The following TRMT11 variants were observed in gnomAD, a reference collection of about 807,000 sequenced individuals.
The protein encoded by TRMT11 is tRNA (guanine(10)-N(2))-methyltransferase TRMT11.
Under a neutral mutation model 62.8 loss-of-function variants are expected in TRMT11, and 53 were observed. That is an observed-to-expected ratio of 0.84 (90% CI 0.68 to 1.06). TRMT11 has a LOEUF of 1.06. Ranked by LOEUF, TRMT11 falls within the 50% of genes least tolerant of loss-of-function variation. TRMT11 has a pLI of 0.00. For synonymous variants in TRMT11, 188 were observed against 190.3 expected (o/e 0.99, Z 0.10); for missense variants, 556 against 553.4 (o/e 1.00, Z -0.05).
At chr6:125,996,844 ATTG>A (rs1791600547) in intron 3 of TRMT11, among the ~76,000 whole-genome samples, 1 of 152,178 alleles carries the variant, frequency 6.6e-6, no homozygotes, top group African/African-American at 2.4e-5. Context: ...ATCATATGTA[ATTG>A]TTGTATTACG....
chr6:126,081,924 A>G (rs1777163187), intron 17 of TRMT11, among the ~76,000 whole-genome samples: 1 of 152,178 alleles, frequency 6.6e-6, no homozygotes. Context: ...TTTTGGAACT[A>G]ATCTGTGCTC....
In TRMT11 at chr6:126,196,024, G is replaced by A. The variant is rs116356741; in HGVS notation, n.144-2775G>A. Among the ~76,000 whole-genome samples the A allele has an allele frequency of 3.2e-3, 489 of 152,274 alleles. 1 individual carries two copies. The highest frequency in any genetic ancestry group is 9.7e-3 in the African/African-American group (404 of 41,558). ...GCTACAAGTAACTTGAATCCTTGAT[G>A]ACATCATTAGGTTGCTGAATTAACC... On this transcript the variant is annotated intron_variant and non_coding_transcript_variant, in intron 1 of 3. Coordinates refer to the TRMT11 transcript ENST00000444229.
chr6:126,035,935 G>A (rs905063974), intron 12 of TRMT11, among the ~76,000 whole-genome samples: 1 of 152,016 alleles, frequency 6.6e-6, no homozygotes, highest in Non-Finnish European at 1.5e-5. Flanking sequence ...TGTGCTTTGG[G>A]CTTTGTCTTC....
intron 12 of TRMT11, among the ~76,000 whole-genome samples, chr6:126,036,830 GA>G (rs1330496350): frequency 1.3e-5 from 2 of 152,036 alleles, no homozygotes; most frequent in Admixed American, 1.3e-4. Flanking sequence ...TTAAATGGTG[GA>G]ACATTGTTCT....
At chr6:126,098,523 C>T (rs1163311472) in intron 17 of TRMT11, among the ~76,000 whole-genome samples, 1 of 152,088 alleles carries the variant, frequency 6.6e-6, no homozygotes, top group African/African-American at 2.4e-5. Context: ...CAAATCACTC[C>T]CTATAGACCA....
At chr6:126,012,897 CATGT>C (rs751689240) in intron 10 of TRMT11, 45 bp downstream of exon 10, 5 of 1,606,586 alleles carry the variant, frequency 3.1e-6, no homozygotes, top group Non-Finnish European at 4.3e-6. Flanking sequence ...TGAGAAGAGG[CATGT>C]GGCTTCCCCG....
At chr6:126,042,021 G>A (rs188361385), downstream of TRMT11, among the ~76,000 whole-genome samples, 3 of 152,230 alleles carry the variant, frequency 2.0e-5, no homozygotes, top group African/African-American at 7.2e-5. Context: ...ACAAAAAAAA[G>A]TGCCTTAATC....
intron 21 of TRMT11, among the ~76,000 whole-genome samples, chr6:126,123,345 T>C (rs766715186): frequency 1.3e-5 from 2 of 152,024 alleles, no homozygotes; most frequent in Admixed American, 6.6e-5. Flanking sequence ...TGCCTTATAG[T>C]GGTTTGGATT....
intron 21 of TRMT11, among the ~76,000 whole-genome samples, chr6:126,118,602 T>C (rs1451992827): frequency 2.0e-5 from 3 of 152,114 alleles, no homozygotes; most frequent in Admixed American, 6.6e-5. Context: ...TTTACTTTTT[T>C]TCTTCCTATT....
chr6:126,054,903 A>G (rs888453123), intron 17 of TRMT11, among the ~76,000 whole-genome samples: 1 of 152,202 alleles, frequency 6.6e-6, no homozygotes, highest in Non-Finnish European at 1.5e-5. Flanking sequence ...TCTCTTTCGC[A>G]TCTTTCCTTG....
chr6:126,211,718 G>A, the TRMT11 span, among the ~76,000 whole-genome samples: 2 of 151,984 alleles, frequency 1.3e-5, no homozygotes, highest in South Asian at 4.1e-4. Flanking sequence ...CATATAATAT[G>A]TAATAATCAC....
intron 2 of TRMT11, among the ~76,000 whole-genome samples, chr6:125,994,236 G>A (rs1179184639): frequency 6.6e-6 from 1 of 152,032 alleles, no homozygotes; most frequent in Non-Finnish European, 1.5e-5. Context: ...GTGTTTGACA[G>A]AAGTTTGGAA....
Position 126,193,410 on chromosome 6 carries a change from A to G in TRMT11, n.144-5389A>G, listed in dbSNP as rs143143428. On this transcript the variant is annotated intron_variant and non_coding_transcript_variant, in intron 1 of 3. Coordinates refer to the TRMT11 transcript ENST00000444229. ...TGATCTCTAATATTTCTTTCCTTCT[A>G]CTAACCATTATTTGCTTTATTCTTG... 3.0e-3 allele frequency among the ~76,000 whole-genome samples: 440 copies of G among 148,554 alleles called. 2 individuals carry two copies. Among genetic ancestry groups the G allele is most frequent in the African/African-American group, 0.011 (425 of 40,156 alleles).
intron 21 of TRMT11, among the ~76,000 whole-genome samples, chr6:126,152,623 C>T (rs1454769186): frequency 2.0e-5 from 3 of 152,152 alleles, no homozygotes; most frequent in Non-Finnish European, 4.4e-5. Flanking sequence ...TAACTGTTTT[C>T]CCAAGGTTGA....
chr6:126,249,105 A>T, the TRMT11 span, among the ~76,000 whole-genome samples: 1 of 152,138 alleles, frequency 6.6e-6, no homozygotes, highest in African/African-American at 2.4e-5. Flanking sequence ...GTACCAAAAA[A>T]TTTTTAAAAA....
chr6:126,009,461 A>G (rs1380141781), intron 8 of TRMT11: 1 of 152,000 alleles, frequency 6.6e-6, no homozygotes. Flanking sequence ...TTTATTGATG[A>G]TTTTGAGATT....
At chr6:126,270,530 A>G in the TRMT11 span, among the ~76,000 whole-genome samples, 1 of 152,138 alleles carries the variant, frequency 6.6e-6, no homozygotes, top group Non-Finnish European at 1.5e-5. Flanking sequence ...TGCACTATAG[A>G]TTTTTTAAAA....
chr6:126,073,517 C>A (rs1296190165), intron 17 of TRMT11, among the ~76,000 whole-genome samples: 1 of 151,968 alleles, frequency 6.6e-6, no homozygotes, highest in Non-Finnish European at 1.5e-5. Context: ...CTCTTGTTAT[C>A]CATTCTCAAA....
At chr6:126,043,473 T>C (rs1390493265), downstream of TRMT11, among the ~76,000 whole-genome samples, 3 of 150,340 alleles carry the variant, frequency 2.0e-5, no homozygotes, top group African/African-American at 7.3e-5. Context: ...TTTGGGTTGG[T>C]TCCAAGTCTT....
Sources: gnomAD v4.1 joint callset for allele counts (sites outside exome capture counted in the v4.1 genomes callset) on GRCh38, gnomAD v4.1.1 for gene constraint, MANE v1.5 for transcripts, NCBI Gene and HGNC (gene_info 2026-07-23, HGNC 2026-07-21) for gene names.